The following ARMC8 variants were observed in gnomAD, a reference collection of about 807,000 sequenced individuals.
ARMC8 encodes armadillo repeat containing 8, also known as armadillo repeat-containing protein 8.
A neutral mutation model predicts 99.3 loss-of-function variants in ARMC8; 20 were observed. The ratio of observed to expected loss-of-function variants is 0.20; its 90% CI spans 0.14 to 0.29. The LOEUF is 0.29. Among genes scored for constraint, ARMC8 ranks in the 10% least tolerant of loss-of-function variants. The probability of loss-of-function intolerance (pLI) is 1.00; values close to 1 mark genes in which losing one functional copy is unlikely to be tolerated. For synonymous variants in ARMC8, 263 were observed against 278.3 expected (o/e 0.95, Z 0.55); for missense variants, 569 against 809.5 (o/e 0.70, Z 3.60).
intron 2 of ARMC8, among the ~76,000 whole-genome samples, chr3:138,211,485 A>G (rs1417591842): frequency 1.3e-5 from 2 of 152,230 alleles, no homozygotes; most frequent in Non-Finnish European, 2.9e-5. Flanking sequence ...AAATTGATAA[A>G]ATACCAAATG....
intron 18 of ARMC8, among the ~76,000 whole-genome samples, chr3:138,275,618 G>A (rs1005126364): frequency 7.9e-5 from 12 of 151,968 alleles, no homozygotes; most frequent in African/African-American, 2.4e-4. Flanking sequence ...AAAGAAACTC[G>A]CCCAAGGTCA....
At chr3:138,192,966 TTTTTA>T (rs2043476866) in intron 1 of ARMC8, among the ~76,000 whole-genome samples, 1 of 152,102 alleles carries the variant, frequency 6.6e-6, no homozygotes, top group Non-Finnish European at 1.5e-5. Context: ...ATAGGTTTTA[TTTTTA>T]TTTTATTTTA....
At chr3:138,210,658 TGATGAGGGC>T (rs1384470078) in intron 2 of ARMC8, among the ~76,000 whole-genome samples, 2 of 152,130 alleles carry the variant, frequency 1.3e-5, no homozygotes, top group African/African-American at 4.8e-5. Flanking sequence ...ATTTGGGTAA[TGATGAGGGC>T]GCCCATGAGG....
At chr3:138,218,402 A>G (rs1249250615) in intron 2 of ARMC8, among the ~76,000 whole-genome samples, 1 of 152,050 alleles carries the variant, frequency 6.6e-6, no homozygotes, top group Non-Finnish European at 1.5e-5. Flanking sequence ...TCACTTTTCT[A>G]ACTTTATGTT....
In ARMC8 at chr3:138,276,416, T is replaced by C. The variant is rs544964038; in HGVS notation, c.1725+1872T>C. ...CCTTAAATTGGGAACAAGACAAGTA[T>C]GTCCATTTGTACCACTCCTGTTCAA... is the stretch of plus-strand genomic sequence containing the variant. On this transcript the variant is annotated intron_variant, in intron 18 of 21. Coordinates refer to ENST00000469044, the MANE Select transcript of ARMC8 (RefSeq NM_001363941.2). Among the ~76,000 whole-genome samples, 5 of 152,200 alleles carry C rather than the reference T, an allele frequency of 3.3e-5. No homozygotes were observed. The South Asian group carries it at 8.3e-4, about 25-fold the overall frequency.
At chr3:138,208,417 A>G (rs1040417388) in intron 1 of ARMC8, among the ~76,000 whole-genome samples, 3 of 152,212 alleles carry the variant, frequency 2.0e-5, no homozygotes, top group Non-Finnish European at 4.4e-5. Flanking sequence ...AAGTGAGCCA[A>G]GATCATGCTG....
At chr3:138,252,741 A>ACCC (rs1281952773) in intron 12 of ARMC8, among the ~76,000 whole-genome samples, 8 of 2,578 alleles carry the variant, frequency 3.1e-3, no homozygotes, top group African/African-American at 3.8e-3. Flanking sequence ...GGCGTGAGCC[A>ACCC]CCCCGCCCCC....
rs1454959818 is a variant in ARMC8, at chr3:138,187,613, C to T, written c.45+14C>T. The T allele has an allele frequency of 2.0e-6, 3 of 1,535,526 alleles. No homozygotes were observed. Among genetic ancestry groups the T allele is most frequent in the African/African-American group, 1.4e-5 (1 of 73,162 alleles). On this transcript the variant is annotated intron_variant, in intron 1 of 21. Transcript: ENST00000469044. ...AGCGTCCTTTCGGTGAGTGACCCGC[C>T]GCGGCCGCCCGCCCGCCCTCCAGGA...
chr3:138,264,412 CTTTTTTTTTTTTTTT>C (rs11298899), intron 14 of ARMC8, among the ~76,000 whole-genome samples, 200 bp downstream of exon 14: 1 of 48,630 alleles, frequency 2.1e-5, no homozygotes, highest in Non-Finnish European at 3.7e-5. Context: ...GATTTTCTTT[CTTTTTTTTTTTTTTT>C]TTTTTTTTTT....
At chr3:138,248,496 G>A (rs1017398992) in intron 12 of ARMC8, among the ~76,000 whole-genome samples, 1 of 152,132 alleles carries the variant, frequency 6.6e-6, no homozygotes, top group African/African-American at 2.4e-5. Context: ...CCAGTTAATG[G>A]GATATTAAAA....
At chr3:138,208,336 C>T (rs540090400) in intron 1 of ARMC8, among the ~76,000 whole-genome samples, 14 of 152,132 alleles carry the variant, frequency 9.2e-5, no homozygotes, top group African/African-American at 1.7e-4. Flanking sequence ...TGTGGTGGTG[C>T]GCGCCTGTAA....
chr3:138,216,114 C>T (rs2045023465), intron 2 of ARMC8, among the ~76,000 whole-genome samples: 1 of 150,020 alleles, frequency 6.7e-6, no homozygotes, highest in African/African-American at 2.5e-5. Context: ...GTCTTGAACT[C>T]CTGACCTTGT....
chr3:138,239,615 AT>A, intron 10 of ARMC8, 87 bp downstream of exon 10: 1 of 824,982 alleles, frequency 1.2e-6, no homozygotes, highest in Non-Finnish European at 1.9e-6. Context: ...CATTTTACAC[AT>A]TTATCATTAT....
At chr3:138,263,031 G>C (rs2047908506) in intron 12 of ARMC8, among the ~76,000 whole-genome samples, 1 of 152,228 alleles carries the variant, frequency 6.6e-6, no homozygotes, top group South Asian at 2.1e-4. Context: ...AAATGTGTTT[G>C]TTAATATTTG....
chr3:138,219,471 C>T (rs2045271738), intron 2 of ARMC8, among the ~76,000 whole-genome samples: 1 of 152,042 alleles, frequency 6.6e-6, no homozygotes, highest in Non-Finnish European at 1.5e-5. Context: ...TAAAGCTAGT[C>T]AGGGGAAAGT....
intron 1 of ARMC8, among the ~76,000 whole-genome samples, chr3:138,191,794 A>G (rs1490197812): frequency 6.6e-6 from 1 of 152,224 alleles, no homozygotes; most frequent in Non-Finnish European, 1.5e-5. Flanking sequence ...GTCACTCAGT[A>G]TAATGCTTTT....
chr3:138,223,301 A>G, intron 3 of ARMC8, 88 bp from the exon 4 acceptor site: 3 of 1,168,486 alleles, frequency 2.6e-6, no homozygotes, highest in Middle Eastern at 2.4e-4. Context: ...CCATATTTTT[A>G]GTATGTGGAC....
At chr3:138,229,828 CTGA>C (rs1448040113) in intron 6 of ARMC8, among the ~76,000 whole-genome samples, 1 of 152,174 alleles carries the variant, frequency 6.6e-6, no homozygotes, top group Non-Finnish European at 1.5e-5. Context: ...TAATTATCTT[CTGA>C]TGATATTGTA....
intron 11 of ARMC8, among the ~76,000 whole-genome samples, chr3:138,242,933 A>G (rs2046695513): frequency 6.6e-6 from 1 of 152,236 alleles, no homozygotes; most frequent in African/African-American, 2.4e-5. Flanking sequence ...TCTGGGTATT[A>G]AACTTATGTG....
Sources: allele counts gnomAD v4.1 joint callset (sites outside exome capture counted in the v4.1 genomes callset), GRCh38; gene constraint gnomAD v4.1.1; transcripts MANE v1.5; gene names NCBI Gene and HGNC (gene_info 2026-07-23, HGNC 2026-07-21).